Variants in GNAT3 observed in about 807,000 individuals in gnomAD.
GNAT3 encodes the protein guanine nucleotide-binding protein G(t) subunit alpha-3.
A neutral mutation model predicts 37.7 loss-of-function variants in GNAT3; 31 were observed. The ratio of observed to expected loss-of-function variants is 0.82; its 90% confidence interval spans 0.62 to 1.11. The LOEUF is 1.11. Ranked by LOEUF, GNAT3 falls within the 50% of genes most tolerant of loss-of-function variation. The probability of loss-of-function intolerance (pLI) is 0.00; values close to 1 mark genes in which losing one functional copy is unlikely to be tolerated. For synonymous variants in GNAT3, 138 were observed against 139.8 expected, an observed-to-expected ratio of 0.99 and a Z score of 0.09; for missense variants, 437 against 412.5, an observed-to-expected ratio of 1.06 and a Z score of -0.51.
At chr7:80,507,833 C>A (rs537220007) in intron 1 of GNAT3, among the ~76,000 whole-genome samples, 14 of 152,058 alleles carry the variant, frequency 9.2e-5, no homozygotes, top group African/African-American at 3.4e-4. Context: ...TCCAGAATAT[C>A]CATTTGTTGA....
intron 3 of GNAT3, among the ~76,000 whole-genome samples, chr7:80,480,358 TAA>T (rs1790373275): frequency 1.3e-5 from 2 of 152,026 alleles, no homozygotes; most frequent in Non-Finnish European, 2.9e-5. Context: ...TAGAAACGAG[TAA>T]ACCAGTAAAT....
At chr7:80,479,176 T>G (rs1447410412) in intron 3 of GNAT3, among the ~76,000 whole-genome samples, 178 bp from the exon 4 acceptor site, 1 of 152,106 alleles carries the variant, frequency 6.6e-6, no homozygotes, top group Non-Finnish European at 1.5e-5. Context: ...GGCTGGATGA[T>G]GCCCAGAAGA....
chr7:80,511,208 C>T (rs569186602), intron 1 of GNAT3, among the ~76,000 whole-genome samples: 14 of 151,900 alleles, frequency 9.2e-5, no homozygotes, highest in Non-Finnish European at 1.8e-4. Flanking sequence ...TAAATCCTGA[C>T]CTGAATGAAT....
chr7:80,463,558 T>G (rs1382047978), intron 5 of GNAT3, among the ~76,000 whole-genome samples: 1 of 151,970 alleles, frequency 6.6e-6, no homozygotes, highest in Non-Finnish European at 1.5e-5. Flanking sequence ...GAGCGTCCAT[T>G]TAAATTACAC....
intron 5 of GNAT3, among the ~76,000 whole-genome samples, chr7:80,464,691 C>T (rs183160027): frequency 3.7e-4 from 57 of 152,040 alleles, no homozygotes; most frequent in East Asian, 2.9e-3. Flanking sequence ...ACAGACTTCA[C>T]GGGTAATAGT....
At chr7:80,494,707 A>T in intron 1 of GNAT3, 60 bp from the exon 2 acceptor site, 1 of 963,662 alleles carries the variant, frequency 1.0e-6, no homozygotes. Context: ...AGATATTAAA[A>T]ACTATCACTT....
intron 4 of GNAT3, among the ~76,000 whole-genome samples, chr7:80,474,710 C>T (rs996507306): frequency 1.3e-5 from 2 of 152,210 alleles, no homozygotes; most frequent in South Asian, 4.1e-4. Context: ...ATTGCCTTAA[C>T]CTGTATTTTA....
In GNAT3 at chr7:80,488,555, A is replaced by G; in HGVS notation, c.283T>C (p.Tyr95His). ...CTTACTGCACTTCTGGGATTTACATAATCAATTCCAAGGGTAGTCATGGCT... is the reference window on the plus strand; with the variant it reads ...CTTACTGCACTTCTGGGATTTACATGATCAATTCCAAGGGTAGTCATGGCT... ...VKAMTTLGID[Y>H]VNPRSAEDQR... The change falls in exon 3 of 8, where the codon TAT becomes CAT. Residue 95 changes from tyrosine to histidine, a missense_variant. Transcript: ENST00000398291. 1 of 1,601,496 alleles carries G rather than the reference A, an allele frequency of 6.2e-7. No homozygotes were observed. The highest frequency in any genetic ancestry group is 8.5e-7 in the Non-Finnish European group (1 of 1,172,842).
rs80196826 is a variant in GNAT3, at chr7:80,473,389, A to C, written c.590+862T>G. On this transcript the variant is annotated intron_variant, in intron 5 of 7. Transcript: ENST00000398291. Reference sequence around the variant, plus strand: ...GCTTTTATCTTACTAAAATAAATTTATGATGTTGATTAATTACCATTTTCT... The same window carrying C: ...GCTTTTATCTTACTAAAATAAATTTCTGATGTTGATTAATTACCATTTTCT... Among the ~76,000 whole-genome samples, 1,370 of 152,284 alleles carry C rather than the reference A, an allele frequency of 9.0e-3. 16 individuals are homozygous for C. The highest frequency in any genetic ancestry group is 0.031 in the African/African-American group (1,306 of 41,586).
chr7:80,478,705 G>T, intron 4 of GNAT3, 136 bp downstream of exon 4: 9 of 807,094 alleles, frequency 1.1e-5, no homozygotes, highest in South Asian at 6.1e-5. Flanking sequence ...CTCTTTAATT[G>T]CTTTTTATTT....
rs1366220068 is a variant in GNAT3, at chr7:80,488,622, T to G, written c.216A>C (p.Val72=). ...TGGATTGCAATGTATTACTGTAAATTACTGCTTTGAACTCCATGCATTCTT... is the reference window on the plus strand; with the variant it reads ...TGGATTGCAATGTATTACTGTAAATGACTGCTTTGAACTCCATGCATTCTT... ...SEQECMEFKA[V]IYSNTLQSIL... Residue 72 remains valine, a synonymous_variant, in exon 3 of 8, where the codon GTA becomes GTC. Transcript: ENST00000398291. 6.3e-7 allele frequency: 1 copy of G among 1,591,328 alleles called. No individual in the cohort carries two copies. The highest frequency in any genetic ancestry group is 1.7e-5 in the Admixed American group (1 of 57,352).
intron 7 of GNAT3, 99 bp downstream of exon 7, chr7:80,462,059 TA>T: frequency 1.3e-6 from 1 of 765,608 alleles, no homozygotes. Flanking sequence ...AAAATGATCA[TA>T]AGCCTCATCC....
intron 5 of GNAT3, 48 bp from the exon 6 acceptor site, chr7:80,462,679 A>C (rs769461491): frequency 6.6e-7 from 1 of 1,505,420 alleles, no homozygotes; most frequent in Non-Finnish European, 9.1e-7. Context: ...ATATCCTCCA[A>C]AATGTGCATT....
chr7:80,477,614 G>A (rs1192668656), intron 4 of GNAT3, among the ~76,000 whole-genome samples: 1 of 152,016 alleles, frequency 6.6e-6, no homozygotes, highest in African/African-American at 2.4e-5. Flanking sequence ...TAATCATTCT[G>A]TCCATCAATG....
chr7:80,509,604 T>A (rs1162321773), intron 1 of GNAT3, among the ~76,000 whole-genome samples: 1 of 152,128 alleles, frequency 6.6e-6, no homozygotes, highest in Non-Finnish European at 1.5e-5. Flanking sequence ...TTCATCTGAC[T>A]TATTTTTCAT....
intron 1 of GNAT3, among the ~76,000 whole-genome samples, chr7:80,497,571 T>TACACATACGTATATAC: frequency 9.5e-5 from 13 of 137,438 alleles, no homozygotes; most frequent in African/African-American, 3.6e-4. Flanking sequence ...TATACGTATA[T>TACACATACGTATATAC]ACATATACGT....
intron 4 of GNAT3, among the ~76,000 whole-genome samples, chr7:80,476,644 T>C (rs941525111): frequency 6.6e-6 from 1 of 151,812 alleles, no homozygotes; most frequent in African/African-American, 2.4e-5. Flanking sequence ...AGTATCTTAC[T>C]TTTACCAGAA....
chr7:80,470,594 T>G (rs1203739052), intron 5 of GNAT3, among the ~76,000 whole-genome samples: 1 of 152,174 alleles, frequency 6.6e-6, no homozygotes, highest in Non-Finnish European at 1.5e-5. Context: ...CACTTTAGCA[T>G]TCATACTGTA....
At chr7:80,503,016 A>C (rs1054014595) in intron 1 of GNAT3, among the ~76,000 whole-genome samples, 16 of 152,106 alleles carry the variant, frequency 1.1e-4, no homozygotes, top group African/African-American at 3.9e-4. Context: ...TCCTCATTAA[A>C]TCTTTGAGCC....
Sources: allele counts gnomAD v4.1 joint callset (sites outside exome capture counted in the v4.1 genomes callset), GRCh38; gene constraint gnomAD v4.1.1; transcripts MANE v1.5; gene names NCBI Gene and HGNC (gene_info 2026-07-23, HGNC 2026-07-21).